The following GALNTL6 variants were observed in gnomAD, a reference collection of about 807,000 sequenced individuals.
GALNTL6 encodes polypeptide N-acetylgalactosaminyltransferase like 6.
GALNTL6 carries 46 observed loss-of-function variants against 73.7 expected under a neutral mutation model. That is an observed-to-expected ratio of 0.62 (90% CI 0.49 to 0.80). GALNTL6 has a LOEUF of 0.80. GALNTL6 is among the 30% of genes least tolerant of loss of function. The pLI is 0.00. For missense variants in GALNTL6, 604 were observed against 755.0 expected, an observed-to-expected ratio of 0.80 and a Z score of 2.34; for synonymous variants, 259 against 263.7, an observed-to-expected ratio of 0.98 and a Z score of 0.17.
intron 2 of GALNTL6, among the ~76,000 whole-genome samples, chr4:172,122,259 AT>A (rs969014237): frequency 6.6e-6 from 1 of 152,004 alleles, no homozygotes; most frequent in Non-Finnish European, 1.5e-5. Flanking sequence ...TGAATGTGAA[AT>A]TTCAATTACA....
intron 5 of GALNTL6, among the ~76,000 whole-genome samples, chr4:172,364,656 T>G (rs1742491968): frequency 6.6e-6 from 1 of 152,166 alleles, no homozygotes; most frequent in African/African-American, 2.4e-5. Context: ...AGATAAATAT[T>G]TATTGAACTA....
chr4:172,573,538 A>G (rs1304430525), intron 5 of GALNTL6, among the ~76,000 whole-genome samples: 1 of 152,204 alleles, frequency 6.6e-6, no homozygotes, highest in African/African-American at 2.4e-5. Context: ...TTGTTCCAGT[A>G]ATCTATTATA....
At chr4:172,379,451 A>G (rs1168690461) in intron 5 of GALNTL6, among the ~76,000 whole-genome samples, 1 of 144,474 alleles carries the variant, frequency 6.9e-6, no homozygotes, top group Non-Finnish European at 1.5e-5. Context: ...AATGGCGTGA[A>G]CCCGGGAAGC....
chr4:172,636,477 C>T (rs1055237677), intron 5 of GALNTL6, among the ~76,000 whole-genome samples: 13 of 152,046 alleles, frequency 8.6e-5, no homozygotes, highest in African/African-American at 2.9e-4. Flanking sequence ...TGGGCAGGCC[C>T]GGTGTACTCA....
intron 5 of GALNTL6, among the ~76,000 whole-genome samples, chr4:172,378,172 TAC>T (rs1743119840): frequency 1.3e-5 from 2 of 152,180 alleles, no homozygotes; most frequent in Non-Finnish European, 2.9e-5. Flanking sequence ...GATATTCTGA[TAC>T]AGAGTTCTAA....
At chr4:172,034,783 T>C (rs1741885114) in intron 2 of GALNTL6, among the ~76,000 whole-genome samples, 1 of 152,130 alleles carries the variant, frequency 6.6e-6, no homozygotes, top group Admixed American at 6.6e-5. Flanking sequence ...GTTGTGGATT[T>C]TAGGATTTGG....
chr4:172,279,465 T>A (rs913750021), intron 3 of GALNTL6, among the ~76,000 whole-genome samples: 1 of 152,154 alleles, frequency 6.6e-6, no homozygotes, highest in Non-Finnish European at 1.5e-5. Flanking sequence ...AAAAATATGT[T>A]CTACATCACT....
At chr4:172,732,308 C>T (rs1044564674) in intron 5 of GALNTL6, among the ~76,000 whole-genome samples, 13 of 152,210 alleles carry the variant, frequency 8.5e-5, no homozygotes, top group Non-Finnish European at 1.5e-4. Flanking sequence ...TCTTTTTTCA[C>T]AGTCTGTGTT....
intron 5 of GALNTL6, among the ~76,000 whole-genome samples, chr4:172,725,315 C>A (rs1735730876): frequency 6.6e-6 from 1 of 152,112 alleles, no homozygotes; most frequent in Non-Finnish European, 1.5e-5. Flanking sequence ...TCCGTGCCAC[C>A]CCCAAACTTT....
chr4:171,969,768 C>CTTT (rs34630281), intron 2 of GALNTL6, among the ~76,000 whole-genome samples: 42 of 143,946 alleles, frequency 2.9e-4, no homozygotes, highest in African/African-American at 9.5e-4. Flanking sequence ...CTCCAAACCA[C>CTTT]TTTTTTTTTT....
intron 5 of GALNTL6, among the ~76,000 whole-genome samples, chr4:172,567,046 C>A (rs370648350): frequency 2.2e-4 from 33 of 151,562 alleles, no homozygotes; most frequent in African/African-American, 7.3e-4. Context: ...AAAAAGAATT[C>A]TGTTGTAATA....
At chr4:172,694,222 AC>A (rs1733523688) in intron 5 of GALNTL6, among the ~76,000 whole-genome samples, 2 of 151,490 alleles carry the variant, frequency 1.3e-5, no homozygotes, top group African/African-American at 2.4e-5. Flanking sequence ...GTTTTGCTGC[AC>A]CCATCAACCC....
intron 5 of GALNTL6, among the ~76,000 whole-genome samples, chr4:172,616,729 A>G (rs2111061554): frequency 6.6e-6 from 1 of 152,196 alleles, no homozygotes. Flanking sequence ...CATGATCTCC[A>G]AGGAAGCTTC....
chr4:172,010,364 C>T (rs1195142993), intron 2 of GALNTL6, among the ~76,000 whole-genome samples: 3 of 152,022 alleles, frequency 2.0e-5, no homozygotes, highest in Non-Finnish European at 4.4e-5. Context: ...AGACAAGCTA[C>T]CTTAAACTGG....
intron 3 of GALNTL6, among the ~76,000 whole-genome samples, chr4:172,288,146 A>G (rs1285292013): frequency 1.3e-5 from 2 of 150,070 alleles, no homozygotes; most frequent in Admixed American, 6.6e-5. Context: ...GCTGGAGTGC[A>G]GTGGCTTGAT....
Position 173,027,915 on chromosome 4 carries a change from A to G in GALNTL6, c.1638+6290A>G, listed in dbSNP as rs186593501. 5.2e-3 allele frequency among the ~76,000 whole-genome samples: 785 copies of G among 152,338 alleles called. 7 individuals are homozygous for G. Among genetic ancestry groups the G allele is most frequent in the Non-Finnish European group, 8.8e-3 (598 of 68,026 alleles). On this transcript the variant is annotated intron_variant, in intron 12 of 12. Transcript: ENST00000506823. ...CAAAAAATAGAAAATGAAGTTTAAA[A>G]GTGATTCCATTTGGTCACTGTGAAA...
chr4:171,834,014 T>G (rs1735040741), intron 2 of GALNTL6, among the ~76,000 whole-genome samples: 1 of 151,792 alleles, frequency 6.6e-6, no homozygotes, highest in Non-Finnish European at 1.5e-5. Flanking sequence ...AGAGACTTCT[T>G]TCTTTGAAAA....
chr4:172,296,368 AT>A (rs1032983880), intron 3 of GALNTL6, among the ~76,000 whole-genome samples: 2 of 151,898 alleles, frequency 1.3e-5, no homozygotes, highest in Non-Finnish European at 2.9e-5. Context: ...CAATTTGCTG[AT>A]TTTTTTATTA....
chr4:171,855,584 G>A (rs1295207500), intron 2 of GALNTL6, among the ~76,000 whole-genome samples: 1 of 152,124 alleles, frequency 6.6e-6, no homozygotes, highest in Non-Finnish European at 1.5e-5. Context: ...AAATATTCTT[G>A]CACAGATTTT....
Sources: gnomAD v4.1 joint callset for allele counts (sites outside exome capture counted in the v4.1 genomes callset) on GRCh38, gnomAD v4.1.1 for gene constraint, MANE v1.5 for transcripts, NCBI Gene and HGNC (gene_info 2026-07-23, HGNC 2026-07-21) for gene names.